ANK3: variants seen among roughly 807,000 people sequenced by gnomAD.
The protein encoded by ANK3 is ankyrin-3.
In ANK3, 57 loss-of-function variants were observed where a neutral mutation model predicts 370.9. The ratio of observed to expected loss-of-function variants is 0.15; its 90% CI spans 0.12 to 0.19. The LOEUF is 0.19. ANK3 is among the 10% of genes least tolerant of loss of function. ANK3 has a pLI of 1.00. For missense variants in ANK3, 4,439 were observed against 5,302.1 expected (o/e 0.84, Z 5.06); for synonymous variants, 1,929 against 1,946.3 (o/e 0.99, Z 0.23).
chr10:60,240,304 ATATT>A (rs1356720938), intron 7 of ANK3, among the ~76,000 whole-genome samples: 1 of 87,640 alleles, frequency 1.1e-5, no homozygotes, highest in Non-Finnish European at 2.5e-5. Context: ...ATATATATAT[ATATT>A]TTTTTTTCTT....
At chr10:60,562,312 A>T (rs1031132987) in intron 2 of ANK3, among the ~76,000 whole-genome samples, 3 of 151,974 alleles carry the variant, frequency 2.0e-5, no homozygotes, top group African/African-American at 7.3e-5. Context: ...TTCATAATTG[A>T]TTAAAGTTTT....
At chr10:60,410,959 C>A (rs2063547497) in intron 2 of ANK3, among the ~76,000 whole-genome samples, 1 of 152,128 alleles carries the variant, frequency 6.6e-6, no homozygotes, top group African/African-American at 2.4e-5. Context: ...CAGGCGTAAG[C>A]CACTGTACCT....
At chr10:60,445,360 A>T (rs1236001825) in intron 2 of ANK3, among the ~76,000 whole-genome samples, 1 of 152,146 alleles carries the variant, frequency 6.6e-6, no homozygotes, top group Admixed American at 6.5e-5. Flanking sequence ...ACTGCACTCC[A>T]GCTTGGGCAA....
chr10:60,363,343 C>T (rs1461804897), intron 1 of ANK3, among the ~76,000 whole-genome samples: 2 of 152,294 alleles, frequency 1.3e-5, no homozygotes, highest in East Asian at 1.9e-4. Context: ...GAAAAAGAAA[C>T]CCCTCTTTGT....
intron 2 of ANK3, among the ~76,000 whole-genome samples, chr10:60,581,842 T>C (rs1484046642): frequency 6.6e-6 from 1 of 151,666 alleles, no homozygotes; most frequent in African/African-American, 2.4e-5. Context: ...CAGCTTACTA[T>C]TCACAATAGC....
chr10:60,572,748 T>C, intron 2 of ANK3: 1 of 1,350,768 alleles, frequency 7.4e-7, no homozygotes, highest in Non-Finnish European at 9.5e-7. Context: ...CTGGGTGTTC[T>C]CTATATCAAA....
intron 4 of ANK3, among the ~76,000 whole-genome samples, chr10:60,274,028 T>G (rs930283970): frequency 6.6e-6 from 1 of 152,290 alleles, no homozygotes; most frequent in South Asian, 2.1e-4. Flanking sequence ...CAGCCTGGTG[T>G]GTAGTCGTGT....
intron 2 of ANK3, among the ~76,000 whole-genome samples, chr10:60,533,966 G>A (rs1247079836): frequency 6.6e-6 from 1 of 152,024 alleles, no homozygotes; most frequent in Admixed American, 6.6e-5. Context: ...CCTCATTCCA[G>A]TTGGTTTCTT....
intron 1 of ANK3, among the ~76,000 whole-genome samples, chr10:60,715,857 AGG>A (rs2079779362): frequency 4.7e-5 from 1 of 21,388 alleles, no homozygotes; most frequent in South Asian, 2.7e-3. Flanking sequence ...TTGAAACTTA[AGG>A]ACCATGCTGA....
intron 2 of ANK3, among the ~76,000 whole-genome samples, chr10:60,578,538 CT>C (rs1191882370): frequency 6.6e-6 from 1 of 152,138 alleles, no homozygotes; most frequent in Non-Finnish European, 1.5e-5. Flanking sequence ...TATTCCCTTG[CT>C]TTGTAAAAGG....
At chr10:60,376,753 A>G (rs1356842111) in intron 1 of ANK3, among the ~76,000 whole-genome samples, 7 of 152,228 alleles carry the variant, frequency 4.6e-5, no homozygotes, top group African/African-American at 1.4e-4. Flanking sequence ...GGCACACTCA[A>G]TATCTTTTGA....
intron 2 of ANK3, among the ~76,000 whole-genome samples, chr10:60,538,590 C>G (rs1420281362): frequency 4.0e-5 from 6 of 151,894 alleles, no homozygotes; most frequent in Non-Finnish European, 5.9e-5. Context: ...TCTATATACT[C>G]TATTCTATAT....
intron 5 of ANK3, among the ~76,000 whole-genome samples, chr10:60,269,650 C>A (rs11817068): frequency 3.0e-5 from 3 of 98,968 alleles, no homozygotes; most frequent in African/African-American, 8.6e-5. Flanking sequence ...ATCCCCCCTC[C>A]CCCCCCCCAA....
At chr10:60,374,154 A>C (rs1026829638) in intron 1 of ANK3, among the ~76,000 whole-genome samples, 5 of 151,756 alleles carry the variant, frequency 3.3e-5, no homozygotes, top group Non-Finnish European at 7.4e-5. Context: ...ATACTACTGG[A>C]GCTGGGAAGG....
intron 1 of ANK3, among the ~76,000 whole-genome samples, chr10:60,346,277 T>C (rs1187536859): frequency 6.9e-6 from 1 of 144,010 alleles, no homozygotes; most frequent in Admixed American, 7.2e-5. Context: ...TATGTAACAG[T>C]TCTATATGGC....
chr10:60,171,164 C>T (rs1336902034), intron 21 of ANK3, among the ~76,000 whole-genome samples: 1 of 152,110 alleles, frequency 6.6e-6, no homozygotes, highest in South Asian at 2.1e-4. Flanking sequence ...ATGAAAGCAA[C>T]ATGTGGAAAT....
At position 60,073,971 on chromosome 10, in the gene ANK3, C is replaced by T. The variant is rs771319496; in HGVS notation, c.6910G>A (p.Val2304Ile). ...FEHKSAVSPD[V>I]HKSAAETSAQ... is the part of the protein sequence containing the mutation. ...GAGGTTTCAGCAGCAGACTTGTGAA[C>T]ATCTGGAGACACTGCCGACTTATGT... The change falls in exon 37 of 44, where the codon GTT becomes ATT. Residue 2304 changes from valine (V) to isoleucine (I), a missense_variant. Transcript: ENST00000280772. The T allele has an allele frequency of 1.2e-6, 2 of 1,614,008 alleles. No homozygotes were observed. The highest frequency in any genetic ancestry group is 1.1e-5 in the South Asian group (1 of 91,064).
At chr10:60,499,686 T>C (rs1324083253) in intron 2 of ANK3, among the ~76,000 whole-genome samples, 3 of 152,226 alleles carry the variant, frequency 2.0e-5, no homozygotes, top group African/African-American at 7.2e-5. Flanking sequence ...AGGATCAGAA[T>C]GCCACATTAC....
At chr10:60,450,063 A>T (rs1449616620) in intron 2 of ANK3, among the ~76,000 whole-genome samples, 2 of 152,176 alleles carry the variant, frequency 1.3e-5, no homozygotes, top group Admixed American at 6.5e-5. Context: ...TTGGGAGGCC[A>T]AGGCAGAAGA....
Sources: allele counts gnomAD v4.1 joint callset (sites outside exome capture counted in the v4.1 genomes callset), GRCh38; gene constraint gnomAD v4.1.1; transcripts MANE v1.5; gene names NCBI Gene and HGNC (gene_info 2026-07-23, HGNC 2026-07-21).